The following NNT variants were observed in gnomAD, a reference collection of about 807,000 sequenced individuals.
NNT encodes NAD(P) transhydrogenase, mitochondrial.
NNT carries 50 observed loss-of-function variants against 104.8 expected under a neutral mutation model. The observed-to-expected ratio is 0.48, with a 90% CI of 0.38 to 0.60. The LOEUF (loss-of-function observed/expected upper bound fraction) is 0.60. Among genes scored for constraint, NNT ranks in the 20% least tolerant of loss-of-function variants. NNT has a pLI of 0.00. For synonymous variants in NNT, 461 were observed against 490.4 expected (o/e 0.94, Z 0.79); for missense variants, 1,131 against 1,330.7 (o/e 0.85, Z 2.33).
At chr5:43,697,504 A>G (rs1265534859) in intron 19 of NNT, among the ~76,000 whole-genome samples, 1 of 152,174 alleles carries the variant, frequency 6.6e-6, no homozygotes. Context: ...CCAGTTCCAA[A>G]GTTGTTTCCA....
intron 6 of NNT, among the ~76,000 whole-genome samples, chr5:43,627,249 T>C (rs902789464): frequency 6.6e-6 from 1 of 152,220 alleles, no homozygotes; most frequent in Non-Finnish European, 1.5e-5. Flanking sequence ...AACCTCTTGC[T>C]CAACCATGGA....
chr5:43,670,272 A>T (rs7732999), intron 17 of NNT, among the ~76,000 whole-genome samples: 21,638 of 151,304 alleles, frequency 0.14, 2,251 homozygotes, highest in African/African-American at 0.29. Context: ...TTTTTGTTTG[A>T]CTATCTCCTC....
chr5:43,679,644 T>G (rs1741598159), intron 19 of NNT, among the ~76,000 whole-genome samples: 1 of 152,202 alleles, frequency 6.6e-6, no homozygotes, highest in South Asian at 2.1e-4. Flanking sequence ...AAATTAGAAT[T>G]TTATCTATGA....
Position 43,702,746 on chromosome 5 carries a change from C to G in NNT, c.3111+10C>G. 3.2e-6 allele frequency: 5 copies of G among 1,568,282 alleles called. No homozygotes were observed. Among genetic ancestry groups the G allele is most frequent in the Non-Finnish European group, 4.4e-6 (5 of 1,143,354 alleles). ...CTGGAAATCAAAGCAGGTAAAGTTT[C>G]AGACTTGTATTTCATTCTGATAATC... On this transcript the variant is annotated intron_variant, in intron 21 of 21. Coordinates refer to ENST00000344920, the MANE Select transcript of NNT (RefSeq NM_182977.3).
chr5:43,666,037 C>CG (rs1740645985), intron 17 of NNT, among the ~76,000 whole-genome samples: 1 of 151,494 alleles, frequency 6.6e-6, no homozygotes, highest in African/African-American at 2.4e-5. Flanking sequence ...AGACGATGGG[C>CG]GGCCGGGCAG....
intron 19 of NNT, among the ~76,000 whole-genome samples, chr5:43,681,350 C>T (rs912633459): frequency 8.0e-5 from 12 of 150,246 alleles, no homozygotes; most frequent in African/African-American, 2.9e-4. Context: ...CTTGAATTAT[C>T]ACAGAAGTCA....
chr5:43,670,965 C>G (rs1175691184), intron 17 of NNT, among the ~76,000 whole-genome samples: 1 of 152,012 alleles, frequency 6.6e-6, no homozygotes, highest in African/African-American at 2.4e-5. Context: ...ATCCGGGTGC[C>G]CCTGTATTGG....
chr5:43,683,618 A>G (rs1209680551), intron 19 of NNT, among the ~76,000 whole-genome samples: 1 of 152,244 alleles, frequency 6.6e-6, no homozygotes, highest in Non-Finnish European at 1.5e-5. Context: ...GTTCATGTGA[A>G]CAAATAAATA....
At chr5:43,624,630 G>T (rs1750270443) in intron 6 of NNT, among the ~76,000 whole-genome samples, 1 of 152,124 alleles carries the variant, frequency 6.6e-6, no homozygotes, top group Non-Finnish European at 1.5e-5. Context: ...GATAATTTTT[G>T]AGCCCCTGGG....
chr5:43,616,836 G>A (rs1749816493), intron 4 of NNT, among the ~76,000 whole-genome samples: 1 of 152,060 alleles, frequency 6.6e-6, no homozygotes, highest in Non-Finnish European at 1.5e-5. Flanking sequence ...ATGGGATAAG[G>A]CTTATGAATC....
intron 16 of NNT, among the ~76,000 whole-genome samples, chr5:43,657,350 A>G (rs1009164116): frequency 6.6e-6 from 1 of 152,174 alleles, no homozygotes; most frequent in South Asian, 2.1e-4. Flanking sequence ...TGCAATTTTT[A>G]TATTTAGTGT....
At chr5:43,681,259 C>CAAAAA (rs559273026) in intron 19 of NNT, among the ~76,000 whole-genome samples, 6 of 58,648 alleles carry the variant, frequency 1.0e-4, no homozygotes, top group Non-Finnish European at 1.1e-4. Context: ...GGCTCCTTCT[C>CAAAAA]AAAAAAAAAA....
intron 7 of NNT, among the ~76,000 whole-genome samples, chr5:43,633,733 A>T (rs560707496): frequency 3.9e-5 from 6 of 152,260 alleles, no homozygotes; most frequent in South Asian, 2.1e-4. Context: ...TACCTTCCTT[A>T]GGTCTTGGTT....
At chr5:43,702,019 T>C (rs1266991260) in intron 20 of NNT, among the ~76,000 whole-genome samples, 2 of 152,142 alleles carry the variant, frequency 1.3e-5, no homozygotes, top group Admixed American at 6.6e-5. Context: ...CTCTGTCCAA[T>C]GCATGCATAA....
At chr5:43,634,833 A>G (rs1750851713) in intron 7 of NNT, among the ~76,000 whole-genome samples, 1 of 152,210 alleles carries the variant, frequency 6.6e-6, no homozygotes, top group African/African-American at 2.4e-5. Context: ...CTTAGGGTGT[A>G]TTTGAGCACA....
rs372367599 is a variant in NNT, at chr5:43,704,365, C to T, written c.3222C>T (p.Asp1074=). The T allele has an allele frequency of 1.1e-4, 180 of 1,613,492 alleles. No individual in the cohort carries two copies. The highest frequency in any genetic ancestry group is 1.6e-4 in the Middle Eastern group (1 of 6,084). The change falls in exon 22 of 22, where the codon GAC becomes GAT. Residue 1074 remains aspartate, a synonymous_variant. Coordinates refer to ENST00000344920, the MANE Select transcript of NNT (RefSeq NM_182977.3). The part of the protein sequence containing the change: ...MLLGDAKKTC[D]ALQAKVRESY... ...TAGGTGATGCCAAGAAAACATGTGACGCGCTCCAGGCGAAAGTTAGAGAAT... is the reference window on the plus strand; with the variant it reads ...TAGGTGATGCCAAGAAAACATGTGATGCGCTCCAGGCGAAAGTTAGAGAAT...
At chr5:43,698,346 G>A (rs909125517) in intron 19 of NNT, among the ~76,000 whole-genome samples, 2 of 151,848 alleles carry the variant, frequency 1.3e-5, no homozygotes, top group African/African-American at 2.4e-5. Flanking sequence ...ATGCCTGTGT[G>A]GGTTTTCTCT....
chr5:43,628,817 C>T (rs1390777655), intron 7 of NNT, among the ~76,000 whole-genome samples: 1 of 152,116 alleles, frequency 6.6e-6, no homozygotes, highest in Non-Finnish European at 1.5e-5. Context: ...AAACTCCTGA[C>T]CTCAGGTGAT....
At chr5:43,621,841 A>G (rs1441340596) in intron 5 of NNT, among the ~76,000 whole-genome samples, 1 of 152,172 alleles carries the variant, frequency 6.6e-6, no homozygotes, top group Non-Finnish European at 1.5e-5. Context: ...AGGAAACAGG[A>G]GTTTAAGGAT....
Sources: gnomAD v4.1 joint callset for allele counts (sites outside exome capture counted in the v4.1 genomes callset) on GRCh38, gnomAD v4.1.1 for gene constraint, MANE v1.5 for transcripts, NCBI Gene and HGNC (gene_info 2026-07-23, HGNC 2026-07-21) for gene names.